Variants in SLC8A1 observed in about 807,000 individuals in gnomAD.
SLC8A1 encodes sodium/calcium exchanger 1.
Under a neutral mutation model 68.3 loss-of-function variants are expected in SLC8A1, and 18 were observed. The ratio of observed to expected loss-of-function variants is 0.26; its 90% CI spans 0.18 to 0.39. SLC8A1 has a LOEUF of 0.39. SLC8A1 is among the 10% of genes least tolerant of loss of function. The pLI is 1.00. For missense variants in SLC8A1, 985 were observed against 1,156.7 expected, an observed-to-expected ratio of 0.85 and a Z score of 2.15; for synonymous variants, 475 against 415.5, an observed-to-expected ratio of 1.14 and a Z score of -1.74.
At chr2:40,291,058 G>T (rs983106355) in intron 2 of SLC8A1, among the ~76,000 whole-genome samples, 1 of 152,152 alleles carries the variant, frequency 6.6e-6, no homozygotes, top group Non-Finnish European at 1.5e-5. Flanking sequence ...TGGAATTTCT[G>T]GTAGGTGTCT....
chr2:40,415,594 G>T (rs1180352274), intron 2 of SLC8A1, among the ~76,000 whole-genome samples: 1 of 152,086 alleles, frequency 6.6e-6, no homozygotes, highest in African/African-American at 2.4e-5. Context: ...TACAAAAAAG[G>T]ATAGGATGTG....
At chr2:40,402,421 C>T (rs1416920273) in intron 2 of SLC8A1, among the ~76,000 whole-genome samples, 1 of 152,192 alleles carries the variant, frequency 6.6e-6, no homozygotes, top group African/African-American at 2.4e-5. Flanking sequence ...GCAGCCCATG[C>T]TGCTGCTCTG....
chr2:40,115,130 C>G (rs752742485), exon 8 of SLC8A1: 141 of 709,566 alleles, frequency 2.0e-4, no homozygotes, highest in Non-Finnish European at 2.8e-4. Context: ...AGAGTATGCT[C>G]TTGAAGCTGG....
In SLC8A1 at chr2:40,133,710, C is replaced by T. The variant is rs532467104; in HGVS notation, c.2437+5691G>A. Among the ~76,000 whole-genome samples the T allele has an allele frequency of 6.6e-3, 384 of 57,884 alleles. 1 individual carries two copies. Among genetic ancestry groups the T allele is most frequent in the Non-Finnish European group, 8.8e-3 (238 of 27,058 alleles). 38.0% of individuals were successfully genotyped at this position (57,884 alleles called of 152,430 possible). A position where few individuals can be genotyped will look rare whatever the true frequency, so the allele number is the denominator to read the frequency against. On this transcript the variant is annotated intron_variant, in intron 7 of 7. Coordinates refer to ENST00000406785, the Ensembl canonical transcript of SLC8A1. ...CTTAATGGGGCAAAAATCCCCCCCC[C>T]CCACCGACTCATCAGTATCTCAGAG...
intron 7 of SLC8A1, among the ~76,000 whole-genome samples, chr2:40,117,963 G>T (rs747791354): frequency 2.8e-4 from 43 of 152,168 alleles, no homozygotes; most frequent in South Asian, 4.1e-4. Flanking sequence ...AAAGGGAGTT[G>T]GTCAATTCTG....
At chr2:40,160,232 C>G (rs114141850) in intron 6 of SLC8A1, among the ~76,000 whole-genome samples, 2,377 of 152,236 alleles carry the variant, frequency 0.016, 86 homozygotes, top group African/African-American at 0.055. Flanking sequence ...TAGGAACTTC[C>G]TAAATAAAAC....
intron 2 of SLC8A1, among the ~76,000 whole-genome samples, chr2:40,360,704 G>A (rs1674348678): frequency 6.6e-6 from 1 of 152,102 alleles, no homozygotes; most frequent in Non-Finnish European, 1.5e-5. Context: ...CAAACCCAAG[G>A]AACCTAATTT....
At position 40,315,412 on chromosome 2, in the gene SLC8A1, G is replaced by A. The variant is rs369389708; in HGVS notation, c.1808+113061C>T. 1.3e-4 allele frequency among the ~76,000 whole-genome samples: 19 copies of A among 150,360 alleles called. 1 individual carries two copies. In the South Asian group the frequency reaches 1.3e-3, roughly 10 times the overall value. ...ATGATACTAGATTAGAGTGAGTAAG[G>A]TAAATAACCATTTTCTTTCCTAAGA... On this transcript the variant is annotated intron_variant, in intron 2 of 7. Coordinates refer to ENST00000406785, the Ensembl canonical transcript of SLC8A1.
intron 2 of SLC8A1, among the ~76,000 whole-genome samples, chr2:40,282,198 A>G (rs1162262258): frequency 1.3e-5 from 2 of 152,128 alleles, no homozygotes; most frequent in Non-Finnish European, 2.9e-5. Flanking sequence ...GCATGCTGGG[A>G]AATTTAACTA....
At chr2:40,117,855 A>T (rs1253179055) in intron 7 of SLC8A1, among the ~76,000 whole-genome samples, 3 of 152,274 alleles carry the variant, frequency 2.0e-5, no homozygotes, top group East Asian at 1.9e-4. Flanking sequence ...CAGCATGTAA[A>T]TATAGATCAG....
At chr2:40,500,795 CTT>C (rs1191619172) in intron 1 of SLC8A1, among the ~76,000 whole-genome samples, 9 of 37,258 alleles carry the variant, frequency 2.4e-4, no homozygotes, top group South Asian at 1.1e-3. Flanking sequence ...TATCATCTGA[CTT>C]TTTTTTTTTT....
At chr2:40,398,069 CT>C (rs1408447519) in intron 2 of SLC8A1, among the ~76,000 whole-genome samples, 1 of 152,226 alleles carries the variant, frequency 6.6e-6, no homozygotes, top group African/African-American at 2.4e-5. Context: ...AGCATTTCTT[CT>C]GCAGTTATTG....
At chr2:40,223,279 C>T (rs535117800) in intron 2 of SLC8A1, among the ~76,000 whole-genome samples, 38 of 152,248 alleles carry the variant, frequency 2.5e-4, no homozygotes, top group African/African-American at 8.9e-4. Context: ...GAAAACCAAA[C>T]ACCACATGTT....
At chr2:40,292,699 C>T (rs1378170293) in intron 2 of SLC8A1, among the ~76,000 whole-genome samples, 1 of 152,156 alleles carries the variant, frequency 6.6e-6, no homozygotes, top group African/African-American at 2.4e-5. Context: ...AATGGTTCCC[C>T]TCTCAACACA....
chr2:40,482,244 A>G (rs1399132248), intron 1 of SLC8A1, among the ~76,000 whole-genome samples: 3 of 152,192 alleles, frequency 2.0e-5, no homozygotes, highest in South Asian at 2.1e-4. Context: ...AGGGAGCACT[A>G]CTGCCTTAAA....
intron 1 of SLC8A1, among the ~76,000 whole-genome samples, chr2:40,490,444 C>G (rs1302687973): frequency 6.6e-6 from 1 of 151,994 alleles, no homozygotes; most frequent in Non-Finnish European, 1.5e-5. Context: ...AATGCATAAA[C>G]TATGTTTGTT....
chr2:40,243,246 C>T (rs2148976345), intron 2 of SLC8A1, among the ~76,000 whole-genome samples: 1 of 152,254 alleles, frequency 6.6e-6, no homozygotes. Flanking sequence ...CTCTGGGAGG[C>T]CAAAGTGGGT....
chr2:40,429,651 C>A, exon 2 of SLC8A1: 2 of 1,613,836 alleles, frequency 1.2e-6, no homozygotes, highest in South Asian at 1.1e-5. Context: ...CAAAGATGCT[C>A]CAGGCTGCTG....
At chr2:40,381,738 G>C (rs1331472370) in intron 2 of SLC8A1, among the ~76,000 whole-genome samples, 1 of 150,946 alleles carries the variant, frequency 6.6e-6, no homozygotes, top group African/African-American at 2.4e-5. Flanking sequence ...TCCTTTTTCA[G>C]GAAACCAACC....
Sources: gnomAD v4.1 joint callset for allele counts (sites outside exome capture counted in the v4.1 genomes callset) on GRCh38, gnomAD v4.1.1 for gene constraint, MANE v1.5 for transcripts, NCBI Gene and HGNC (gene_info 2026-07-23, HGNC 2026-07-21) for gene names.